The following MPDZ variants were observed in gnomAD, a reference collection of about 807,000 sequenced individuals.
MPDZ encodes the protein multiple PDZ domain crumbs cell polarity complex component.
Under a neutral mutation model 239.1 loss-of-function variants are expected in MPDZ, and 234 were observed. The observed-to-expected ratio is 0.98, with a 90% confidence interval of 0.88 to 1.09. The LOEUF is 1.09. MPDZ is among the 50% of genes least tolerant of loss of function. The pLI is 0.00. For missense variants in MPDZ, 3,175 were observed against 2,510.0 expected (o/e 1.26, Z -5.66); for synonymous variants, 1,048 against 881.3 (o/e 1.19, Z -3.35).
At chr9:13,136,482 C>T (rs1200185733) in intron 30 of MPDZ, among the ~76,000 whole-genome samples, 1 of 151,592 alleles carries the variant, frequency 6.6e-6, no homozygotes, top group African/African-American at 2.4e-5. Context: ...CAGGTGCGTG[C>T]CACCACGCCC....
intron 26 of MPDZ, 96 bp downstream of exon 26, chr9:13,147,452 T>G (rs867720805): frequency 1.2e-6 from 1 of 865,514 alleles, no homozygotes; most frequent in Non-Finnish European, 1.9e-6. Context: ...GAAAAATCAC[T>G]ATCTTTACTC....
intron 24 of MPDZ, among the ~76,000 whole-genome samples, chr9:13,154,893 G>C (rs1466475704): frequency 6.6e-6 from 1 of 152,106 alleles, no homozygotes; most frequent in African/African-American, 2.4e-5. Flanking sequence ...GTGGGGAAAA[G>C]GGAACATTCA....
rs776038550 is a variant in MPDZ, at chr9:13,126,734, A to G, written c.4503T>C (p.Asp1501=). Residue 1501 remains aspartate, a synonymous_variant, in exon 33 of 47, where the codon GAT becomes GAC. Transcript: ENST00000319217. Reference sequence around the variant, plus strand: ...TCTTTATGATGACTCCACTGAGTGTATCTTCTTCGCTGATAGCAATACCCA... The same window carrying G: ...TCTTTATGATGACTCCACTGAGTGTGTCTTCTTCGCTGATAGCAATACCCA... ...GGLGIAISEE[D]TLSGVIIKSL... is the part of the protein sequence containing the mutation. 4.3e-6 allele frequency: 7 copies of G among 1,613,944 alleles called. No homozygotes were observed. The highest frequency in any genetic ancestry group is 1.3e-5 in the African/African-American group (1 of 75,032).
At chr9:13,113,159 CTTTTT>C in intron 41 of MPDZ, 105 bp from the exon 42 acceptor site, 1 of 1,056,240 alleles carries the variant, frequency 9.5e-7, no homozygotes, top group Non-Finnish European at 1.4e-6. Flanking sequence ...ACCTAGGTTT[CTTTTT>C]TTAAGGGGGT....
At chr9:13,114,052 T>G in intron 40 of MPDZ, 31 bp from the exon 41 acceptor site, 1 of 1,525,720 alleles carries the variant, frequency 6.6e-7, no homozygotes, top group Non-Finnish European at 8.9e-7. Flanking sequence ...TTTCAGAAGG[T>G]TTTGCAAGTA....
chr9:13,127,248 G>C (rs1945255468), intron 32 of MPDZ, among the ~76,000 whole-genome samples: 1 of 152,126 alleles, frequency 6.6e-6, no homozygotes, highest in African/African-American at 2.4e-5. Flanking sequence ...TACTGATGCA[G>C]ACTCTGTCCT....
intron 10 of MPDZ, among the ~76,000 whole-genome samples, chr9:13,208,666 G>A (rs988582908): frequency 2.0e-5 from 3 of 148,304 alleles, no homozygotes; most frequent in Non-Finnish European, 4.5e-5. Context: ...GTTTATATAG[G>A]ATATATATAT....
At chr9:13,155,147 G>C (rs1485111791) in intron 24 of MPDZ, among the ~76,000 whole-genome samples, 4 of 151,800 alleles carry the variant, frequency 2.6e-5, no homozygotes, top group Non-Finnish European at 5.9e-5. Flanking sequence ...TAACCTGGGA[G>C]GCAGAGGTTG....
intron 1 of MPDZ, among the ~76,000 whole-genome samples, chr9:13,258,856 T>C (rs1196066101): frequency 3.3e-5 from 5 of 152,092 alleles, no homozygotes; most frequent in African/African-American, 7.2e-5. Context: ...TGAAAGAAAA[T>C]CAAGTATTAA....
At chr9:13,172,726 T>C (rs891954668) in intron 21 of MPDZ, among the ~76,000 whole-genome samples, 6 of 152,212 alleles carry the variant, frequency 3.9e-5, no homozygotes, top group Non-Finnish European at 8.8e-5. Context: ...AGGGCTCTTT[T>C]ATACTTTAAT....
intron 23 of MPDZ, 134 bp from the exon 24 acceptor site, chr9:13,158,244 A>C: frequency 1.5e-6 from 1 of 657,868 alleles, no homozygotes; most frequent in Non-Finnish European, 2.6e-6. Flanking sequence ...ATAAGTATAA[A>C]ATATTTTTAC....
intron 30 of MPDZ, among the ~76,000 whole-genome samples, chr9:13,136,388 G>C (rs1284542822): frequency 7.9e-6 from 1 of 125,810 alleles, no homozygotes; most frequent in Non-Finnish European, 1.6e-5. Flanking sequence ...CTGGAGTGTA[G>C]TGGCACAGTC....
chr9:13,183,277 C>T, intron 19 of MPDZ, 141 bp downstream of exon 19: 5 of 635,154 alleles, frequency 7.9e-6, no homozygotes, highest in Admixed American at 3.8e-5. Context: ...TGAAATTGTA[C>T]TTTAATCCAA....
At chr9:13,191,343 C>T (rs1954899712) in intron 15 of MPDZ, among the ~76,000 whole-genome samples, 1 of 152,134 alleles carries the variant, frequency 6.6e-6, no homozygotes, top group Non-Finnish European at 1.5e-5. Context: ...CAAATCCTAA[C>T]ATCATCTCTC....
intron 16 of MPDZ, among the ~76,000 whole-genome samples, chr9:13,189,336 T>C (rs1290769661): frequency 4.6e-5 from 7 of 152,138 alleles, no homozygotes. Flanking sequence ...ATATTAATTA[T>C]TAACAAAAGC....
Position 13,126,574 on chromosome 9 carries a change from A to G in MPDZ, c.4574T>C (p.Val1525Ala), listed in dbSNP as rs1161810958. Residue 1525 changes from valine to alanine, a missense_variant, in exon 34 of 47, where the codon GTC (valine) becomes GCC (alanine). Coordinates refer to ENST00000319217, the MANE Select transcript of MPDZ (RefSeq NM_001378778.1). ...GVAATDGRLK[V>A]GDQILAVDDE... ...ATCTACAGCCAGTATCTGATCTCCG[A>G]CTTTGAGTCGTCCATCCTAAATGGA... is the stretch of plus-strand genomic sequence containing the variant. 1 of 1,597,408 alleles carries G rather than the reference A, an allele frequency of 6.3e-7. No homozygotes were observed. The highest frequency in any genetic ancestry group is 8.5e-7 in the Non-Finnish European group (1 of 1,171,100).
In MPDZ at chr9:13,112,227, T is replaced by C. The variant is rs914023732; in HGVS notation, c.5602-81A>G. 7.4e-5 allele frequency: 100 copies of C among 1,349,602 alleles called. No individual in the cohort carries two copies. The African/African-American group carries it at 1.1e-3, about 14-fold the overall frequency. 83.6% of individuals were successfully genotyped at this position (1,349,602 alleles called of 1,614,324 possible). On this transcript the variant is annotated intron_variant, in intron 42 of 46. Transcript: ENST00000319217. ...TGTTTATTCTTTGGCATGATATCTA[T>C]AGTCAACTCTGATTTTCTAAGTGTG...
intron 2 of MPDZ, among the ~76,000 whole-genome samples, chr9:13,249,214 CTGTTA>C (rs1280672333): frequency 2.6e-4 from 39 of 151,846 alleles, no homozygotes; most frequent in East Asian, 2.5e-3. Context: ...GCATCTTATT[CTGTTA>C]TATGTCCCAT....
chr9:13,110,588 T>A (rs1406634738), intron 44 of MPDZ, 48 bp downstream of exon 44: 2 of 1,330,926 alleles, frequency 1.5e-6, no homozygotes, highest in Non-Finnish European at 2.2e-6. Flanking sequence ...AGCTCATGTG[T>A]CTTCAGGCTA....
Sources: gnomAD v4.1 joint callset for allele counts (sites outside exome capture counted in the v4.1 genomes callset) on GRCh38, gnomAD v4.1.1 for gene constraint, MANE v1.5 for transcripts, NCBI Gene and HGNC (gene_info 2026-07-23, HGNC 2026-07-21) for gene names.